Variants in ZNF713 observed in about 807,000 individuals in gnomAD.
The protein encoded by ZNF713 is zinc finger protein 713.
Under a neutral mutation model 28.7 loss-of-function variants are expected in ZNF713, and 21 were observed. That is an observed-to-expected ratio of 0.73 (90% confidence interval 0.52 to 1.05). ZNF713 has a LOEUF of 1.05. Ranked by LOEUF, ZNF713 falls within the 50% of genes least tolerant of loss-of-function variation. ZNF713 has a pLI of 0.00. For missense variants in ZNF713, 458 were observed against 532.4 expected (o/e 0.86, Z 1.37); for synonymous variants, 167 against 178.0 (o/e 0.94, Z 0.49).
chr7:55,918,401 T>A (rs1487183131), intron 4 of ZNF713: 1 of 183,508 alleles, frequency 5.4e-6, no homozygotes, highest in Non-Finnish European at 1.2e-5. Context: ...TGATACTTGC[T>A]ATTTTAATCC....
At chr7:55,930,989 T>C (rs150461778) in intron 6 of ZNF713, among the ~76,000 whole-genome samples, 8 of 152,274 alleles carry the variant, frequency 5.3e-5, no homozygotes, top group African/African-American at 1.9e-4. Context: ...CTATATAATC[T>C]ATAAAATTGA....
chr7:55,939,821 A>G lies in ZNF713; in HGVS notation c.1147A>G (p.Thr383Ala), dbSNP rs1160207560. ...CTGTGGCAAAGCCTTCAGTCAGAGG[A>G]CACATCTGAATCAACATGAAAGAAC... ...GFCGKAFSQR[T>A]HLNQHERTHT... Residue 383 changes from threonine to alanine, a missense_variant, in exon 7 of 7, where the codon ACA becomes GCA. Transcript: ENST00000429591. The G allele has an allele frequency of 6.2e-7, 1 of 1,614,062 alleles. No individual in the cohort carries two copies. The highest frequency in any genetic ancestry group is 8.5e-7 in the Non-Finnish European group (1 of 1,180,036).
intron 6 of ZNF713, among the ~76,000 whole-genome samples, chr7:55,928,795 A>G (rs1268274263): frequency 6.6e-6 from 1 of 152,206 alleles, no homozygotes; most frequent in Non-Finnish European, 1.5e-5. Flanking sequence ...TAGACATGCC[A>G]AGATGGCAAT....
intron 1 of ZNF713, among the ~76,000 whole-genome samples, chr7:55,889,906 A>G (rs979652309): frequency 1.3e-5 from 2 of 152,178 alleles, no homozygotes; most frequent in African/African-American, 2.4e-5. Context: ...TCTGCTGTAC[A>G]ATACTGCAGA....
At chr7:55,936,636 GAAGAGATGACTTA>G (rs567919050) in intron 6 of ZNF713, among the ~76,000 whole-genome samples, 8 of 152,282 alleles carry the variant, frequency 5.3e-5, no homozygotes, top group Non-Finnish European at 1.2e-4. Flanking sequence ...CCAAGACCAG[GAAGAGATGACTTA>G]AATGGCCTTT....
Position 55,930,134 on chromosome 7 carries a change from C to T in ZNF713, c.307+6435C>T, listed in dbSNP as rs535116440. 3.0e-4 allele frequency among the ~76,000 whole-genome samples: 46 copies of T among 152,076 alleles called. 1 individual carries two copies. The South Asian group carries it at 8.7e-3, about 29-fold the overall frequency. ...GGAGTGCAGTGACACGATCTCCGCT[C>T]ACTGCAACCTCTGCCTCCCAGGTTA... On this transcript the variant is annotated intron_variant, in intron 6 of 6. Transcript: ENST00000429591.
chr7:55,904,741 T>G (rs577300760), intron 1 of ZNF713, among the ~76,000 whole-genome samples: 1 of 152,180 alleles, frequency 6.6e-6, no homozygotes, highest in South Asian at 2.1e-4. Context: ...AAATTATTAT[T>G]ATTTTGAGAC....
At chr7:55,923,328 T>C in intron 5 of ZNF713, 40 bp downstream of exon 5, 1 of 1,577,988 alleles carries the variant, frequency 6.3e-7, no homozygotes, top group African/African-American at 1.4e-5. Context: ...GCCGTTCACG[T>C]GGGTTTATTT....
At chr7:55,907,540 C>T (rs1785703755) in intron 2 of ZNF713, among the ~76,000 whole-genome samples, 1 of 152,124 alleles carries the variant, frequency 6.6e-6, no homozygotes, top group African/African-American at 2.4e-5. Flanking sequence ...GTCTGGGTTT[C>T]TGATGTATGC....
intron 4 of ZNF713, among the ~76,000 whole-genome samples, chr7:55,919,196 T>C (rs1361984550): frequency 6.6e-6 from 1 of 152,136 alleles, no homozygotes; most frequent in Non-Finnish European, 1.5e-5. Context: ...AAAAGAAAAC[T>C]TTCTCATTCA....
chr7:55,931,179 G>A (rs1786202391), intron 6 of ZNF713, among the ~76,000 whole-genome samples: 4 of 151,890 alleles, frequency 2.6e-5, no homozygotes, highest in South Asian at 2.1e-4. Context: ...CCAGCTACTC[G>A]GGAGGCTGAG....
chr7:55,895,402 ATATC>A (rs1413732651), intron 1 of ZNF713, among the ~76,000 whole-genome samples: 2 of 150,248 alleles, frequency 1.3e-5, no homozygotes, highest in Admixed American at 6.7e-5. Context: ...GAATTAAGAT[ATATC>A]TATCTATCTA....
intron 5 of ZNF713, 25 bp downstream of exon 5, chr7:55,923,313 C>G: frequency 6.3e-7 from 1 of 1,589,858 alleles, no homozygotes; most frequent in South Asian, 1.2e-5. Context: ...CCTGTGAAAC[C>G]GGAAGCCGTT....
intron 4 of ZNF713, among the ~76,000 whole-genome samples, chr7:55,918,559 A>C (rs1785929569): frequency 6.6e-6 from 1 of 152,198 alleles, no homozygotes; most frequent in African/African-American, 2.4e-5. Context: ...AACGAGTGAA[A>C]TAATAAAGGG....
At chr7:55,931,544 C>G (rs746625750) in intron 6 of ZNF713, among the ~76,000 whole-genome samples, 23 of 151,558 alleles carry the variant, frequency 1.5e-4, no homozygotes, top group African/African-American at 3.6e-4. Context: ...TCCCTTTCTC[C>G]CTAATTCTCT....
chr7:55,909,811 C>G (rs1481926161), intron 2 of ZNF713, among the ~76,000 whole-genome samples: 1 of 151,916 alleles, frequency 6.6e-6, no homozygotes, highest in African/African-American at 2.4e-5. Flanking sequence ...ATGGGATTGC[C>G]TTTTGTAAAT....
chr7:55,896,603 A>ATG (rs1785477512), intron 1 of ZNF713, among the ~76,000 whole-genome samples: 1 of 145,290 alleles, frequency 6.9e-6, no homozygotes, highest in South Asian at 2.1e-4. Flanking sequence ...GTGTGTGTGT[A>ATG]TATATATATA....
At chr7:55,893,345 G>A (rs770930418) in intron 1 of ZNF713, among the ~76,000 whole-genome samples, 1 of 152,102 alleles carries the variant, frequency 6.6e-6, no homozygotes, top group Non-Finnish European at 1.5e-5. Flanking sequence ...GATTGAATGG[G>A]GAAATGCAGC....
At chr7:55,915,775 G>C (rs73132862) in intron 4 of ZNF713, among the ~76,000 whole-genome samples, 1 of 152,284 alleles carries the variant, frequency 6.6e-6, no homozygotes, top group South Asian at 2.1e-4. Flanking sequence ...AATACACAAA[G>C]CCTGTGGCCA....
Sources: gnomAD v4.1 joint callset for allele counts (sites outside exome capture counted in the v4.1 genomes callset) on GRCh38, gnomAD v4.1.1 for gene constraint, MANE v1.5 for transcripts, NCBI Gene and HGNC (gene_info 2026-07-23, HGNC 2026-07-21) for gene names.